Variants in CEP63 observed in about 807,000 individuals in gnomAD.
The protein encoded by CEP63 is centrosomal protein 63, also known as centrosomal protein of 63 kDa.
CEP63 carries 84 observed loss-of-function variants against 89.1 expected under a neutral mutation model. The observed-to-expected ratio is 0.94, with a 90% CI of 0.79 to 1.13. The LOEUF (loss-of-function observed/expected upper bound fraction) is 1.13, where lower values mean the gene tolerates loss of function less well. Ranked by LOEUF, CEP63 falls within the 50% of genes most tolerant of loss-of-function variation. The pLI, the probability that CEP63 is intolerant of heterozygous loss-of-function variation, is 0.00. For synonymous variants in CEP63, 267 were observed against 272.5 expected, an observed-to-expected ratio of 0.98 and a Z score of 0.20; for missense variants, 838 against 813.3, an observed-to-expected ratio of 1.03 and a Z score of -0.37.
the CEP63 span, among the ~76,000 whole-genome samples, chr3:134,766,993 T>C: frequency 6.6e-6 from 1 of 152,112 alleles, no homozygotes; most frequent in Non-Finnish European, 1.5e-5. Flanking sequence ...TTGATTAAAT[T>C]TGTACAGAGG....
chr3:134,632,456 G>A, the CEP63 span, among the ~76,000 whole-genome samples: 172 of 151,956 alleles, frequency 1.1e-3, no homozygotes, highest in African/African-American at 3.9e-3. Flanking sequence ...AAAACAGAAA[G>A]CAACTGGAAA....
chr3:134,627,849 T>A, the CEP63 span: 1 of 1,566,402 alleles, frequency 6.4e-7, no homozygotes, highest in Non-Finnish European at 8.8e-7. Context: ...GAAGTATAGA[T>A]ACTTCAGAAG....
At chr3:134,776,405 T>A in the CEP63 span, among the ~76,000 whole-genome samples, 1 of 113,172 alleles carries the variant, frequency 8.8e-6, no homozygotes, top group East Asian at 2.3e-4. Flanking sequence ...AGATACTTAA[T>A]TTTTTTTTCA....
At chr3:134,710,466 C>T in the CEP63 span, among the ~76,000 whole-genome samples, 14 of 152,202 alleles carry the variant, frequency 9.2e-5, no homozygotes, top group East Asian at 2.1e-3. Context: ...TTGGAACAAG[C>T]GAAAATCATT....
At chr3:134,538,300 C>G (rs771256377) in intron 6 of CEP63, among the ~76,000 whole-genome samples, 3 of 149,136 alleles carry the variant, frequency 2.0e-5, no homozygotes, top group Non-Finnish European at 3.0e-5. Context: ...GTTCGTCTCC[C>G]TGAAATATCA....
At chr3:134,602,881 T>G in the CEP63 span, among the ~76,000 whole-genome samples, 1 of 152,238 alleles carries the variant, frequency 6.6e-6, no homozygotes, top group Non-Finnish European at 1.5e-5. Flanking sequence ...CTTTGCAGTC[T>G]CCTCACAACT....
At chr3:134,668,914 T>C in the CEP63 span, among the ~76,000 whole-genome samples, 1 of 152,202 alleles carries the variant, frequency 6.6e-6, no homozygotes, top group African/African-American at 2.4e-5. Flanking sequence ...ACTCGTCTTA[T>C]ATTTCAGAGA....
At chr3:134,737,870 T>C in the CEP63 span, among the ~76,000 whole-genome samples, 1 of 152,048 alleles carries the variant, frequency 6.6e-6, no homozygotes. Flanking sequence ...CCATGTAACC[T>C]CTCCAAGTGG....
chr3:134,603,770 A>G, the CEP63 span: 1 of 1,612,468 alleles, frequency 6.2e-7, no homozygotes, highest in Non-Finnish European at 8.5e-7. Flanking sequence ...TGCAGCTTCA[A>G]TTTGAATGGG....
At chr3:134,765,495 G>A in the CEP63 span, among the ~76,000 whole-genome samples, 2 of 152,214 alleles carry the variant, frequency 1.3e-5, no homozygotes, top group African/African-American at 4.8e-5. Flanking sequence ...GGGAAGGGAG[G>A]AGGCATGTAG....
In CEP63 at chr3:134,536,912, G is replaced by T. The variant is rs77536510; in HGVS notation, c.442-243G>T. ...TCTGAATCCAGTGCTTAACATCTGC[G>T]TGTCATACTCCTCACCATCAGGGTG... On this transcript the variant is annotated intron_variant, in intron 5 of 14. Coordinates refer to ENST00000675561, the MANE Select transcript of CEP63 (RefSeq NM_001353108.3). The T allele has an allele frequency of 6.7e-3, 3,172 of 476,818 alleles. 75 individuals carry two copies. The highest frequency in any genetic ancestry group is 0.055 in the African/African-American group (2,790 of 50,974). 29.5% of individuals were successfully genotyped at this position (476,818 alleles called of 1,614,324 possible).
the CEP63 span, among the ~76,000 whole-genome samples, chr3:134,659,073 T>G: frequency 3.9e-5 from 6 of 152,280 alleles, 1 homozygote; most frequent in African/African-American, 1.4e-4. Context: ...AAATTTCGGG[T>G]ACTTTGAATT....
rs1487067065 is a variant in CEP63, at chr3:134,497,461, T to A, written c.44+2097T>A. Among the ~76,000 whole-genome samples, 12 of 152,266 alleles carry A rather than the reference T, an allele frequency of 7.9e-5. No individual in the cohort carries two copies. In the East Asian group the frequency reaches 2.3e-3, roughly 29 times the overall value. On this transcript the variant is annotated intron_variant, in intron 2 of 14. Transcript: ENST00000675561. ...GTCGTAGCTCACTGTAGCCTCAAAC[T>A]CCTGGGTTCAAGTGATCCGCCTGCT...
chr3:134,604,597 C>T, the CEP63 span: 195 of 802,530 alleles, frequency 2.4e-4, no homozygotes, highest in Admixed American at 6.6e-4. Flanking sequence ...TCTATTTCCA[C>T]GGTGTTAATA....
Position 134,552,022 on chromosome 3 carries a change from T to C in CEP63, c.1467+10T>C, listed in dbSNP as rs375567196. The C allele has an allele frequency of 2.0e-5, 30 of 1,506,736 alleles. 1 individual carries two copies. In the African/African-American group the frequency reaches 3.8e-4, roughly 19 times the overall value. 93.3% of individuals were successfully genotyped at this position (1,506,736 alleles called of 1,614,324 possible). On this transcript the variant is annotated intron_variant, in intron 12 of 14. Coordinates refer to ENST00000675561, the MANE Select transcript of CEP63 (RefSeq NM_001353108.3). ...ATTGGGTTTACATGAGGTACATAAA[T>C]AGAAACTTAAGTTTTTCTACTATCC...
chr3:134,613,265 A>T, the CEP63 span: 228 of 154,174 alleles, frequency 1.5e-3, no homozygotes, highest in African/African-American at 5.1e-3. Context: ...GTAAATCAGA[A>T]TGGGTATGGA....
At chr3:134,599,601 AT>A in the CEP63 span, among the ~76,000 whole-genome samples, 1 of 152,014 alleles carries the variant, frequency 6.6e-6, no homozygotes, top group African/African-American at 2.4e-5. Flanking sequence ...ATTTTTGGTA[AT>A]TTTTTTTCTC....
chr3:134,731,531 A>T, the CEP63 span, among the ~76,000 whole-genome samples: 1 of 152,204 alleles, frequency 6.6e-6, no homozygotes, highest in Admixed American at 6.5e-5. Flanking sequence ...AAAGAATTCA[A>T]AGTGGACTTT....
rs774195036 is a variant in CEP63, at chr3:134,537,187, G to A, written c.474G>A (p.Lys158=). ...EFRQKSLDWE[K]QRLIYQQQVS... ...GTCAGAAATCGCTGGACTGGGAGAA[G>A]CAACGCTTGATTTATCAGCAACAGG... Residue 158 remains lysine, a synonymous_variant, in exon 6 of 15, where the codon AAG becomes AAA. Transcript: ENST00000675561. 2 of 1,613,878 alleles carry A rather than the reference G, an allele frequency of 1.2e-6. No individual in the cohort carries two copies. Among genetic ancestry groups the A allele is most frequent in the South Asian group, 1.1e-5 (1 of 91,088 alleles).
Sources: gnomAD v4.1 joint callset for allele counts (sites outside exome capture counted in the v4.1 genomes callset) on GRCh38, gnomAD v4.1.1 for gene constraint, MANE v1.5 for transcripts, NCBI Gene and HGNC (gene_info 2026-07-23, HGNC 2026-07-21) for gene names.